IFTAP: variants seen among roughly 807,000 people sequenced by gnomAD.
The protein encoded by IFTAP is intraflagellar transport associated protein.
A neutral mutation model predicts 19.4 loss-of-function variants in IFTAP; 19 were observed. The observed-to-expected ratio is 0.98, with a 90% CI of 0.68 to 1.44. The LOEUF is 1.44. Ranked by LOEUF, IFTAP falls within the 40% of genes most tolerant of loss-of-function variation. IFTAP has a pLI of 0.00. For synonymous variants in IFTAP, 85 were observed against 83.5 expected (o/e 1.02, Z -0.10); for missense variants, 240 against 253.6 (o/e 0.95, Z 0.36).
intron 4 of IFTAP, among the ~76,000 whole-genome samples, chr11:36,643,267 A>C (rs529521241): frequency 6.6e-6 from 1 of 152,348 alleles, no homozygotes; most frequent in Non-Finnish European, 1.5e-5. Context: ...AGAGAATAAA[A>C]TACCTAGGAA....
At chr11:36,644,099 A>T (rs9666500) in intron 4 of IFTAP, among the ~76,000 whole-genome samples, 87,640 of 152,066 alleles carry the variant, frequency 0.58, 28,569 homozygotes, top group African/African-American at 0.87. Flanking sequence ...AATCTACTCA[A>T]CTGACAAAGG....
chr11:36,594,527 A>G lies in IFTAP; in HGVS notation c.-89A>G, dbSNP rs139508378. On this transcript the variant is annotated 5_prime_UTR_variant, in exon 1 of 6. Coordinates refer to ENST00000334307, the MANE Select transcript of IFTAP (RefSeq NM_138787.4). ...CTCTCTGGGATGTGTAGCTTTGGAA[A>G]TCTGTCTTTGTTGCTCTGGGAGAGG... is the stretch of plus-strand genomic sequence containing the variant. The G allele has an allele frequency of 3.4e-6, 1 of 292,060 alleles. No individual in the cohort carries two copies. The highest frequency in any genetic ancestry group is 4.4e-5 in the South Asian group (1 of 22,796). 18.1% of individuals were successfully genotyped at this position (292,060 alleles called of 1,614,324 possible). A position where few individuals can be genotyped will look rare whatever the true frequency, so the allele number is the denominator to read the frequency against.
At chr11:36,633,187 ATTC>A in intron 2 of IFTAP, 94 bp from the exon 3 acceptor site, 1 of 1,173,270 alleles carries the variant, frequency 8.5e-7, no homozygotes, top group Non-Finnish European at 1.1e-6. Context: ...TTTGAAAAGT[ATTC>A]TTTTTCATTG....
chr11:36,598,597 G>T (rs915120997), intron 1 of IFTAP, among the ~76,000 whole-genome samples: 1 of 152,142 alleles, frequency 6.6e-6, no homozygotes, highest in Non-Finnish European at 1.5e-5. Context: ...GTACTCTTTT[G>T]TGGTCTCATT....
chr11:36,603,456 T>TA (rs1190381782), intron 1 of IFTAP, among the ~76,000 whole-genome samples: 2 of 151,816 alleles, frequency 1.3e-5, no homozygotes, highest in African/African-American at 2.4e-5. Flanking sequence ...ATTTTTAAGC[T>TA]AAAAAAAATT....
intron 4 of IFTAP, among the ~76,000 whole-genome samples, chr11:36,638,288 A>G (rs1853040534): frequency 6.6e-6 from 1 of 152,124 alleles, no homozygotes; most frequent in Non-Finnish European, 1.5e-5. Flanking sequence ...TTTTTCAATT[A>G]CCAGATTTAT....
At chr11:36,630,634 G>C (rs558129270) in intron 2 of IFTAP, among the ~76,000 whole-genome samples, 2 of 151,490 alleles carry the variant, frequency 1.3e-5, no homozygotes, top group South Asian at 4.1e-4. Flanking sequence ...TACACTGAGT[G>C]ATCATGAGAA....
intron 4 of IFTAP, among the ~76,000 whole-genome samples, chr11:36,636,565 A>G (rs188495118): frequency 9.8e-5 from 15 of 152,350 alleles, no homozygotes; most frequent in Admixed American, 9.8e-4. Flanking sequence ...GGCTGAACCA[A>G]GTTTCAGTGG....
chr11:36,601,619 A>G (rs1851513019), intron 1 of IFTAP, among the ~76,000 whole-genome samples: 1 of 152,126 alleles, frequency 6.6e-6, no homozygotes, highest in Non-Finnish European at 1.5e-5. Flanking sequence ...GAAAGGAGTT[A>G]GGAGTTTGTG....
intron 1 of IFTAP, among the ~76,000 whole-genome samples, chr11:36,601,078 C>T (rs1311011780): frequency 6.6e-6 from 1 of 152,190 alleles, no homozygotes; most frequent in Non-Finnish European, 1.5e-5. Flanking sequence ...ATCTCTCAAG[C>T]GTTTCCATCC....
chr11:36,647,954 A>C, intron 4 of IFTAP, 62 bp from the exon 5 acceptor site: 1 of 1,565,802 alleles, frequency 6.4e-7, no homozygotes, highest in African/African-American at 1.4e-5. Context: ...TGGGCATTTA[A>C]ATGATTTAGG....
chr11:36,647,786 G>A (rs1853547444), intron 4 of IFTAP, among the ~76,000 whole-genome samples: 1 of 151,962 alleles, frequency 6.6e-6, no homozygotes, highest in African/African-American at 2.4e-5. Flanking sequence ...CATTTTGGGG[G>A]GACTCTTACG....
intron 3 of IFTAP, 130 bp from the exon 4 acceptor site, chr11:36,635,921 C>T: frequency 1.5e-6 from 1 of 685,034 alleles, no homozygotes; most frequent in African/African-American, 1.8e-5. Context: ...TGAGCTGGGA[C>T]TCAAGAGTTA....
chr11:36,640,082 T>A (rs771663883), intron 4 of IFTAP, among the ~76,000 whole-genome samples: 3 of 152,106 alleles, frequency 2.0e-5, no homozygotes, highest in Non-Finnish European at 4.4e-5. Context: ...TTATCTAGCT[T>A]TTCTAGTTGT....
At chr11:36,649,719 G>A (rs1477498234) in intron 5 of IFTAP, among the ~76,000 whole-genome samples, 1 of 152,098 alleles carries the variant, frequency 6.6e-6, no homozygotes, top group Non-Finnish European at 1.5e-5. Flanking sequence ...TTTCCTACCA[G>A]ACATGTGGAC....
intron 2 of IFTAP, among the ~76,000 whole-genome samples, chr11:36,627,560 C>CA (rs1471510887): frequency 5.3e-5 from 8 of 150,926 alleles, no homozygotes; most frequent in Non-Finnish European, 1.2e-4. Flanking sequence ...GGCTGTGGTG[C>CA]AAAAAAGAAA....
chr11:36,638,594 G>A (rs1315497357), intron 4 of IFTAP, among the ~76,000 whole-genome samples: 1 of 152,214 alleles, frequency 6.6e-6, no homozygotes, highest in Non-Finnish European at 1.5e-5. Flanking sequence ...GCGAATTTTA[G>A]TTTGGGCCTA....
At chr11:36,646,687 T>C (rs989478237) in intron 4 of IFTAP, among the ~76,000 whole-genome samples, 2 of 152,190 alleles carry the variant, frequency 1.3e-5, no homozygotes, top group African/African-American at 2.4e-5. Flanking sequence ...TGTATGTAGA[T>C]AGACTGTCCA....
At chr11:36,635,939 A>T in intron 3 of IFTAP, 112 bp from the exon 4 acceptor site, 1 of 720,218 alleles carries the variant, frequency 1.4e-6, no homozygotes, top group South Asian at 1.5e-5. Flanking sequence ...TTAATGAGAA[A>T]AGTGGATTCA....
Sources: gnomAD v4.1 joint callset for allele counts (sites outside exome capture counted in the v4.1 genomes callset) on GRCh38, gnomAD v4.1.1 for gene constraint, MANE v1.5 for transcripts, NCBI Gene and HGNC (gene_info 2026-07-23, HGNC 2026-07-21) for gene names.